Variants in KLF12 observed in about 807,000 individuals in gnomAD.
KLF12 encodes KLF transcription factor 12.
In KLF12, 9 loss-of-function variants were observed where a neutral mutation model predicts 37.8. The observed-to-expected ratio is 0.24, with a 90% CI of 0.14 to 0.42. KLF12 has a LOEUF of 0.42. Ranked by LOEUF, KLF12 falls within the 10% of genes least tolerant of loss-of-function variation. The probability of loss-of-function intolerance (pLI) is 1.00; values close to 1 mark genes in which losing one functional copy is unlikely to be tolerated. For synonymous variants in KLF12, 208 were observed against 202.1 expected (o/e 1.03, Z -0.25); for missense variants, 411 against 516.0 (o/e 0.80, Z 1.97).
At chr13:73,850,038 T>A (rs1885253410) in intron 3 of KLF12, among the ~76,000 whole-genome samples, 1 of 152,200 alleles carries the variant, frequency 6.6e-6, no homozygotes, top group Non-Finnish European at 1.5e-5. Flanking sequence ...AAAGGTACAC[T>A]GTAAAACTTA....
the KLF12 span, among the ~76,000 whole-genome samples, chr13:74,195,174 C>T: frequency 2.0e-5 from 3 of 152,120 alleles, no homozygotes; most frequent in African/African-American, 7.2e-5. Context: ...ATTAAAATGT[C>T]ATTTAAAATG....
chr13:73,687,135 A>G lies in KLF12; in HGVS notation c.*8355T>C, dbSNP rs1873540133. On this transcript the variant is annotated 3_prime_UTR_variant, in exon 8 of 8. Transcript: ENST00000377669. ...TTCTGAGTACATTCTTCTATGGACAAACATGAATTTGCTGGTTTCTCTTTT... is the reference window on the plus strand; with the variant it reads ...TTCTGAGTACATTCTTCTATGGACAGACATGAATTTGCTGGTTTCTCTTTT... 1 of 152,678 alleles carries G rather than the reference A, an allele frequency of 6.5e-6. No homozygotes were observed. Among genetic ancestry groups the G allele is most frequent in the South Asian group, 2.1e-4 (1 of 4,834 alleles). 9.5% of individuals were successfully genotyped at this position (152,678 alleles called of 1,614,324 possible). A position where few individuals can be genotyped will look rare whatever the true frequency, so the allele number is the denominator to read the frequency against.
rs879403081 is a variant in KLF12 at position 74,051,340 on chromosome 13, A to AC, written c.-31-56288_-31-56287insG. 4.0e-3 allele frequency among the ~76,000 whole-genome samples: 424 copies of AC among 107,164 alleles called. 3 individuals carry two copies. Among genetic ancestry groups the AC allele is most frequent in the Non-Finnish European group, 6.4e-3 (343 of 53,990 alleles). The allele number at this position is 107,164 out of a possible 152,430, so 70.3% of individuals were successfully genotyped here. On this transcript the variant is annotated intron_variant, in intron 1 of 7. Coordinates refer to ENST00000377669, the MANE Select transcript of KLF12 (RefSeq NM_007249.5). ...GTGGTGTGTGTATACATACACACAC[A>AC]AACACACACACACACACACACACAC...
chr13:74,023,812 G>A (rs963598562), intron 1 of KLF12, among the ~76,000 whole-genome samples: 4 of 152,174 alleles, frequency 2.6e-5, no homozygotes, highest in African/African-American at 4.8e-5. Context: ...CAGGAAAGGG[G>A]GCTGATAGCT....
chr13:74,126,165 A>G (rs1468855892), intron 1 of KLF12, among the ~76,000 whole-genome samples: 2 of 152,200 alleles, frequency 1.3e-5, no homozygotes, highest in African/African-American at 4.8e-5. Flanking sequence ...ATTCAAATAT[A>G]TATTAAATGA....
intron 3 of KLF12, among the ~76,000 whole-genome samples, chr13:73,894,092 C>G (rs1229239152): frequency 6.6e-6 from 1 of 152,162 alleles, no homozygotes; most frequent in African/African-American, 2.4e-5. Context: ...TGCCCCACTC[C>G]TTTAGCCTTT....
At chr13:73,972,676 C>T (rs549345106) in intron 2 of KLF12, among the ~76,000 whole-genome samples, 39 of 148,724 alleles carry the variant, frequency 2.6e-4, no homozygotes, top group Admixed American at 5.4e-4. Context: ...AACAAATAAC[C>T]GGCAGATCGA....
chr13:73,867,599 A>G (rs9592946), intron 3 of KLF12, among the ~76,000 whole-genome samples: 14,712 of 68,636 alleles, frequency 0.21, 1,216 homozygotes, highest in East Asian at 0.35. Context: ...GGGCTATAGA[A>G]GACAGGGGGA....
chr13:74,033,922 G>A (rs910254146), intron 1 of KLF12, among the ~76,000 whole-genome samples: 1 of 150,418 alleles, frequency 6.6e-6, no homozygotes. Flanking sequence ...CTTCCATATG[G>A]CCATCTTTTT....
the KLF12 span, among the ~76,000 whole-genome samples, chr13:74,296,817 G>A: frequency 1.3e-5 from 2 of 152,138 alleles, no homozygotes; most frequent in Non-Finnish European, 2.9e-5. Context: ...ATTGCTGTGT[G>A]TTATCCTGTC....
the KLF12 span, among the ~76,000 whole-genome samples, chr13:74,217,402 AG>A: frequency 6.6e-6 from 1 of 152,094 alleles, no homozygotes; most frequent in East Asian, 1.9e-4. Flanking sequence ...CACAATATAA[AG>A]AGAACTAAAA....
intron 6 of KLF12, among the ~76,000 whole-genome samples, chr13:73,738,068 TACACACAC>T (rs1209753358): frequency 5.5e-5 from 8 of 144,702 alleles, no homozygotes; most frequent in African/African-American, 2.0e-4. Context: ...TATATATATA[TACACACAC>T]ATATATGTAT....
At chr13:73,911,147 T>A (rs1888550081) in intron 3 of KLF12, among the ~76,000 whole-genome samples, 1 of 152,202 alleles carries the variant, frequency 6.6e-6, no homozygotes, top group African/African-American at 2.4e-5. Context: ...ATTGATATAT[T>A]AGTTTGACTT....
intron 1 of KLF12, among the ~76,000 whole-genome samples, chr13:74,099,919 T>C (rs887990228): frequency 6.6e-6 from 1 of 152,172 alleles, no homozygotes; most frequent in African/African-American, 2.4e-5. Flanking sequence ...GTTTTTCAAA[T>C]TGAACCATAA....
chr13:73,967,552 C>A (rs779831770), intron 2 of KLF12, among the ~76,000 whole-genome samples: 3 of 152,170 alleles, frequency 2.0e-5, no homozygotes, highest in African/African-American at 7.2e-5. Context: ...TAACCCCATA[C>A]AACCCTTAAG....
the KLF12 span, among the ~76,000 whole-genome samples, chr13:74,263,418 G>C: frequency 6.6e-6 from 1 of 152,310 alleles, no homozygotes; most frequent in Admixed American, 6.5e-5. Flanking sequence ...ATATGCCCCA[G>C]TAGAAGAGCA....
chr13:74,294,085 C>T, the KLF12 span, among the ~76,000 whole-genome samples: 4 of 152,112 alleles, frequency 2.6e-5, no homozygotes, highest in African/African-American at 7.2e-5. Context: ...TCCAGAATGC[C>T]GGGAGTAGGG....
chr13:73,894,057 G>A (rs1387734324), intron 3 of KLF12, among the ~76,000 whole-genome samples: 1 of 152,168 alleles, frequency 6.6e-6, no homozygotes, highest in Non-Finnish European at 1.5e-5. Flanking sequence ...GAGTTAGTGA[G>A]AGACAGGGGA....
At chr13:74,087,936 T>G (rs991968320) in intron 1 of KLF12, among the ~76,000 whole-genome samples, 1 of 152,134 alleles carries the variant, frequency 6.6e-6, no homozygotes. Flanking sequence ...TGCACTCAAG[T>G]GCATTCTTAA....
Sources: gnomAD v4.1 joint callset for allele counts (sites outside exome capture counted in the v4.1 genomes callset) on GRCh38, gnomAD v4.1.1 for gene constraint, MANE v1.5 for transcripts, NCBI Gene and HGNC (gene_info 2026-07-23, HGNC 2026-07-21) for gene names.